ARHGEF12: variants seen among roughly 807,000 people sequenced by gnomAD.
ARHGEF12 encodes the protein KMT2A/ARHGEF12 fusion protein.
ARHGEF12 carries 66 observed loss-of-function variants against 211.2 expected under a neutral mutation model. That is an observed-to-expected ratio of 0.31 (90% CI 0.26 to 0.38). ARHGEF12 has a LOEUF of 0.38. Among genes scored for constraint, ARHGEF12 ranks in the 10% least tolerant of loss-of-function variants. The probability of loss-of-function intolerance (pLI) is 1.00; values close to 1 mark genes in which losing one functional copy is unlikely to be tolerated. For synonymous variants in ARHGEF12, 592 were observed against 638.4 expected, an observed-to-expected ratio of 0.93 and a Z score of 1.09; for missense variants, 1,429 against 1,869.5, an observed-to-expected ratio of 0.76 and a Z score of 4.34.
At chr11:120,347,147 C>CTTTCT (rs1491449720) in intron 1 of ARHGEF12, among the ~76,000 whole-genome samples, 2 of 46,590 alleles carry the variant, frequency 4.3e-5, no homozygotes, top group Non-Finnish European at 7.2e-5. Context: ...TTCCTTCCTT[C>CTTTCT]CTTCCTTCCT....
chr11:120,435,078 A>G (rs11217868), intron 11 of ARHGEF12, among the ~76,000 whole-genome samples: 28,349 of 152,168 alleles, frequency 0.19, 2,993 homozygotes, highest in Non-Finnish European at 0.23. Flanking sequence ...ACCTTGTTTT[A>G]TAATGATCTT....
intron 1 of ARHGEF12, among the ~76,000 whole-genome samples, chr11:120,347,730 G>A (rs973190170): frequency 2.6e-5 from 4 of 152,102 alleles, no homozygotes; most frequent in Admixed American, 6.5e-5. Flanking sequence ...TAACCAGTAA[G>A]TTTGTCATTT....
intron 20 of ARHGEF12, 188 bp from the exon 21 acceptor site, chr11:120,448,921 C>G (rs1357928261): frequency 2.2e-6 from 1 of 451,670 alleles, no homozygotes; most frequent in Non-Finnish European, 3.9e-6. Flanking sequence ...AAGAAAACAT[C>G]TTGAGTTTGA....
At chr11:120,466,087 C>T (rs1036894169) in intron 28 of ARHGEF12, among the ~76,000 whole-genome samples, 3 of 152,194 alleles carry the variant, frequency 2.0e-5, no homozygotes, top group African/African-American at 4.8e-5. Flanking sequence ...TATGTAAATA[C>T]AAACATGGCC....
chr11:120,345,318 T>C (rs2135259177), intron 1 of ARHGEF12, among the ~76,000 whole-genome samples: 1 of 152,312 alleles, frequency 6.6e-6, no homozygotes, highest in Admixed American at 6.5e-5. Flanking sequence ...AATGAAATTG[T>C]GAGAATTTCC....
intron 7 of ARHGEF12, among the ~76,000 whole-genome samples, chr11:120,425,451 CTTGTTTT>C (rs549243324): frequency 2.0e-5 from 3 of 151,406 alleles, no homozygotes; most frequent in Non-Finnish European, 2.9e-5. Flanking sequence ...ATCCTCCCAC[CTTGTTTT>C]TTGTTTTTTG....
chr11:120,473,174 T>C, intron 31 of ARHGEF12, 47 bp downstream of exon 31: 1 of 1,559,016 alleles, frequency 6.4e-7, no homozygotes, highest in Non-Finnish European at 8.8e-7. Context: ...TAAAATTTGC[T>C]AAAGACCTGG....
chr11:120,417,576 G>T (rs1199723690), intron 4 of ARHGEF12, among the ~76,000 whole-genome samples: 2 of 147,522 alleles, frequency 1.4e-5, no homozygotes, highest in African/African-American at 5.0e-5. Flanking sequence ...GTGCAGTGGT[G>T]CAGTCTCGGC....
intron 1 of ARHGEF12, among the ~76,000 whole-genome samples, chr11:120,345,974 C>G (rs1466614956): frequency 6.6e-6 from 1 of 152,014 alleles, no homozygotes; most frequent in Non-Finnish European, 1.5e-5. Flanking sequence ...GATCCAACTA[C>G]CCAGATGTTG....
chr11:120,444,053 A>G (rs1945967266), intron 15 of ARHGEF12, among the ~76,000 whole-genome samples: 2 of 152,114 alleles, frequency 1.3e-5, no homozygotes, highest in African/African-American at 2.4e-5. Flanking sequence ...TACCCTGAAT[A>G]TAAGTTTTAT....
chr11:120,416,789 C>T (rs1945040324), intron 4 of ARHGEF12, among the ~76,000 whole-genome samples: 1 of 152,056 alleles, frequency 6.6e-6, no homozygotes, highest in Non-Finnish European at 1.5e-5. Flanking sequence ...TAGCCTGGGA[C>T]TACAGGCACG....
At chr11:120,480,534 T>A in intron 38 of ARHGEF12, 104 bp downstream of exon 38, 2 of 1,130,832 alleles carry the variant, frequency 1.8e-6, no homozygotes, top group South Asian at 3.2e-5. Context: ...TGTGTGTGTG[T>A]GTGTGTTCAC....
chr11:120,377,805 T>C (rs1194625914), intron 1 of ARHGEF12, among the ~76,000 whole-genome samples: 3 of 152,240 alleles, frequency 2.0e-5, no homozygotes, highest in Non-Finnish European at 4.4e-5. Context: ...TTTTTGGCTA[T>C]TTTGAATAAA....
rs765028087 is a variant in ARHGEF12, at chr11:120,485,487, T to C, written c.*410T>C. On this transcript the variant is annotated 3_prime_UTR_variant, in exon 41 of 41. Transcript: ENST00000397843. ...TTTGCCTTGTTTTGTTTTAATTGAG[T>C]AGTGAGAGTTTTAGACCTTTGTCTT... The C allele has an allele frequency of 8.2e-6, 2 of 243,352 alleles. No homozygotes were observed. Among genetic ancestry groups the C allele is most frequent in the Non-Finnish European group, 1.6e-5 (2 of 124,088 alleles). The allele number at this position is 243,352 out of a possible 1,614,324, so 15.1% of individuals were successfully genotyped here. A position where few individuals can be genotyped will look rare whatever the true frequency, so the allele number is the denominator to read the frequency against.
intron 27 of ARHGEF12, among the ~76,000 whole-genome samples, chr11:120,461,512 T>C (rs1946530189): frequency 6.6e-6 from 1 of 152,166 alleles, no homozygotes; most frequent in South Asian, 2.1e-4. Flanking sequence ...TTCTTAAGGG[T>C]CCCAGGAATT....
chr11:120,366,380 A>G (rs1943420895), intron 1 of ARHGEF12, among the ~76,000 whole-genome samples: 1 of 152,132 alleles, frequency 6.6e-6, no homozygotes, highest in South Asian at 2.1e-4. Flanking sequence ...CTGGTCTCCA[A>G]CTTCTGGCCC....
chr11:120,476,330 C>T (rs546205973), intron 33 of ARHGEF12: 262 of 177,568 alleles, frequency 1.5e-3, no homozygotes, highest in Non-Finnish European at 2.4e-3. Context: ...GCCTCGGCCT[C>T]CTAAAGTACT....
intron 39 of ARHGEF12, among the ~76,000 whole-genome samples, chr11:120,482,034 CAG>C (rs1947259867): frequency 6.6e-6 from 1 of 152,200 alleles, no homozygotes; most frequent in Non-Finnish European, 1.5e-5. Context: ...ACTGGGATTA[CAG>C]GCGTGAGCCA....
At chr11:120,424,461 A>T (rs747526883) in intron 7 of ARHGEF12, 46 bp downstream of exon 7, 2 of 1,571,598 alleles carry the variant, frequency 1.3e-6, no homozygotes, top group Non-Finnish European at 8.7e-7. Flanking sequence ...TGAAACCCTT[A>T]AAGTAAGGAG....
Sources: allele counts gnomAD v4.1 joint callset (sites outside exome capture counted in the v4.1 genomes callset), GRCh38; gene constraint gnomAD v4.1.1; transcripts MANE v1.5; gene names NCBI Gene and HGNC (gene_info 2026-07-23, HGNC 2026-07-21).